RASAL2: variants seen among roughly 807,000 people sequenced by gnomAD.
The protein encoded by RASAL2 is ras GTPase-activating protein nGAP.
Under a neutral mutation model 128.9 loss-of-function variants are expected in RASAL2, and 58 were observed. The ratio of observed to expected loss-of-function variants is 0.45; its 90% CI spans 0.36 to 0.56. The LOEUF is 0.56. RASAL2 is among the 20% of genes least tolerant of loss of function. The pLI, the probability that RASAL2 is intolerant of heterozygous loss-of-function variation, is 0.00. For synonymous variants in RASAL2, 561 were observed against 580.8 expected, an observed-to-expected ratio of 0.97 and a Z score of 0.49; for missense variants, 1,360 against 1,601.6, an observed-to-expected ratio of 0.85 and a Z score of 2.57.
chr1:178,180,022 A>T (rs940552926), intron 1 of RASAL2, among the ~76,000 whole-genome samples: 5 of 152,198 alleles, frequency 3.3e-5, no homozygotes, highest in Non-Finnish European at 7.3e-5. Flanking sequence ...GGAATGAAAG[A>T]TCGTTCACTG....
At chr1:178,438,102 T>TTGTGTGTGTGTGTG (rs58641965) in intron 5 of RASAL2, among the ~76,000 whole-genome samples, 2 of 142,056 alleles carry the variant, frequency 1.4e-5, no homozygotes, top group Non-Finnish European at 3.1e-5. Flanking sequence ...AAATGGTGGC[T>TTGTGTGTGTGTGTG]TGTGTGTGTG....
At chr1:178,273,540 T>G (rs1666357826) in intron 1 of RASAL2, among the ~76,000 whole-genome samples, 1 of 152,256 alleles carries the variant, frequency 6.6e-6, no homozygotes, top group South Asian at 2.1e-4. Flanking sequence ...AATTTTGTAT[T>G]GGCATTTTTA....
intron 3 of RASAL2, among the ~76,000 whole-genome samples, chr1:178,325,073 T>C (rs1668973382): frequency 6.6e-6 from 1 of 152,236 alleles, no homozygotes; most frequent in Non-Finnish European, 1.5e-5. Flanking sequence ...ATTTGCATGT[T>C]AACATGTTTC....
chr1:178,139,663 C>G (rs956250262), intron 1 of RASAL2, among the ~76,000 whole-genome samples: 1 of 151,690 alleles, frequency 6.6e-6, no homozygotes, highest in Admixed American at 6.6e-5. Flanking sequence ...TTTATTGGTA[C>G]TATACCACAT....
At chr1:178,389,578 A>G (rs1441262585) in intron 3 of RASAL2, among the ~76,000 whole-genome samples, 1 of 152,178 alleles carries the variant, frequency 6.6e-6, no homozygotes, top group East Asian at 1.9e-4. Context: ...ATAGGCATAT[A>G]TGTTATTTTA....
At chr1:178,219,978 G>C (rs901117903) in intron 1 of RASAL2, among the ~76,000 whole-genome samples, 2 of 152,210 alleles carry the variant, frequency 1.3e-5, no homozygotes, top group South Asian at 4.2e-4. Context: ...AGTAATGAGT[G>C]AGTTCTTGCT....
At chr1:178,300,326 G>A (rs1667711689) in intron 3 of RASAL2, among the ~76,000 whole-genome samples, 2 of 152,212 alleles carry the variant, frequency 1.3e-5, no homozygotes, top group African/African-American at 2.4e-5. Context: ...AAGACTTTAT[G>A]TGAGCACTAG....
intron 5 of RASAL2, among the ~76,000 whole-genome samples, chr1:178,438,548 G>A (rs933870880): frequency 4.6e-5 from 7 of 151,808 alleles, no homozygotes; most frequent in Admixed American, 1.3e-4. Context: ...TTGTACTTAC[G>A]TTTGACTCCT....
chr1:178,219,002 T>C (rs1663525515), intron 1 of RASAL2, among the ~76,000 whole-genome samples: 1 of 152,256 alleles, frequency 6.6e-6, no homozygotes, highest in African/African-American at 2.4e-5. Context: ...GTGTACAGTG[T>C]TCATCAGTGT....
intron 1 of RASAL2, among the ~76,000 whole-genome samples, chr1:178,201,613 G>T (rs927412844): frequency 1.3e-5 from 2 of 152,160 alleles, no homozygotes; most frequent in African/African-American, 4.8e-5. Flanking sequence ...AGTGTGGCAG[G>T]GGCCAAGTGG....
chr1:178,343,703 A>T (rs1669996852), intron 3 of RASAL2, among the ~76,000 whole-genome samples: 1 of 152,142 alleles, frequency 6.6e-6, no homozygotes, highest in Admixed American at 6.5e-5. Flanking sequence ...ACTACCATGC[A>T]CTACAAAGAG....
At chr1:178,331,830 G>T (rs1373847558) in intron 3 of RASAL2, among the ~76,000 whole-genome samples, 1 of 151,706 alleles carries the variant, frequency 6.6e-6, no homozygotes, top group Non-Finnish European at 1.5e-5. Context: ...CTCATGATCC[G>T]CCTGCCTCGG....
At chr1:178,267,288 A>T (rs970281505) in intron 1 of RASAL2, among the ~76,000 whole-genome samples, 3 of 152,020 alleles carry the variant, frequency 2.0e-5, no homozygotes, top group Non-Finnish European at 4.4e-5. Flanking sequence ...TTGCTTTTTT[A>T]TTCATCCATT....
intron 5 of RASAL2, among the ~76,000 whole-genome samples, chr1:178,431,268 A>G (rs1295892900): frequency 1.3e-5 from 2 of 152,116 alleles, no homozygotes; most frequent in African/African-American, 4.8e-5. Flanking sequence ...AATTAGGAAA[A>G]TGGTTTAAGA....
intron 3 of RASAL2, among the ~76,000 whole-genome samples, chr1:178,333,114 C>T (rs1040184061): frequency 6.6e-6 from 1 of 151,834 alleles, no homozygotes; most frequent in Non-Finnish European, 1.5e-5. Flanking sequence ...CTGCAAGCTC[C>T]GCCTCCCGGG....
At chr1:178,362,612 T>A (rs967707169) in intron 3 of RASAL2, among the ~76,000 whole-genome samples, 3 of 152,122 alleles carry the variant, frequency 2.0e-5, no homozygotes, top group Non-Finnish European at 2.9e-5. Context: ...AGCTGCAAAC[T>A]TTATACCCTT....
In RASAL2 at chr1:178,473,988, A is replaced by T. The variant is rs1648504316; in HGVS notation, c.*749A>T. ...AGCAGATGGGAGTCTTCTCTTTTAG[A>T]CAGGGGCTTTTTGTTTTTAACCCCA... On this transcript the variant is annotated 3_prime_UTR_variant, in exon 18 of 18. Transcript: ENST00000367649. 1 of 152,310 alleles carries T rather than the reference A, an allele frequency of 6.6e-6. No individual in the cohort carries two copies. Among genetic ancestry groups the T allele is most frequent in the African/African-American group, 2.4e-5 (1 of 41,450 alleles). The allele number at this position is 152,310 out of a possible 1,614,324, so 9.4% of individuals were successfully genotyped here.
At chr1:178,439,603 G>T (rs961243761) in intron 6 of RASAL2, 28 bp downstream of exon 6, 1 of 1,602,444 alleles carries the variant, frequency 6.2e-7, no homozygotes, top group South Asian at 1.1e-5. Flanking sequence ...AAAAAAGGAA[G>T]AGTAGTTAAA....
intron 8 of RASAL2, among the ~76,000 whole-genome samples, chr1:178,444,539 T>C (rs1465273028): frequency 6.6e-6 from 1 of 152,214 alleles, no homozygotes; most frequent in African/African-American, 2.4e-5. Flanking sequence ...CCAATAATTA[T>C]ATAGCATTCA....
Sources: gnomAD v4.1 joint callset for allele counts (sites outside exome capture counted in the v4.1 genomes callset) on GRCh38, gnomAD v4.1.1 for gene constraint, MANE v1.5 for transcripts, NCBI Gene and HGNC (gene_info 2026-07-23, HGNC 2026-07-21) for gene names.